The following POGZ variants were observed in gnomAD, a reference collection of about 807,000 sequenced individuals.
POGZ encodes the protein pogo transposable element derived with ZNF domain.
Under a neutral mutation model 134.6 loss-of-function variants are expected in POGZ, and 17 were observed. The ratio of observed to expected loss-of-function variants is 0.13; its 90% CI spans 0.09 to 0.19. The LOEUF is 0.19. Among genes scored for constraint, POGZ ranks in the 10% least tolerant of loss-of-function variants. The pLI is 1.00. For missense variants in POGZ, 1,306 were observed against 1,769.7 expected (o/e 0.74, Z 4.70); for synonymous variants, 693 against 657.1 (o/e 1.05, Z -0.84).
At chr1:151,458,696 C>G (rs975386345) in intron 1 of POGZ, among the ~76,000 whole-genome samples, 8 of 145,584 alleles carry the variant, frequency 5.5e-5, no homozygotes, top group African/African-American at 2.0e-4. Flanking sequence ...GCCCCCGCCC[C>G]CGCCCCTTCC....
chr1:151,405,005 C>T lies in POGZ; in HGVS notation c.4030G>A (p.Asp1344Asn). ...GNINSPTRNA[D>N]MQEELIASLE... Reference sequence around the variant, plus strand: ...GAGGCAATTAGCTCCTCCTGCATGTCAGCATTTCTTGTAGGTGAGTTAATG... The same window carrying T: ...GAGGCAATTAGCTCCTCCTGCATGTTAGCATTTCTTGTAGGTGAGTTAATG... Residue 1344 changes from aspartate to asparagine, a missense_variant, in exon 19 of 19, where the codon GAC (aspartate) becomes AAC (asparagine). Physicochemically the swap from Asp to Asn is conservative, Grantham distance 23. Around this residue, in one of 10 missense-constraint regions of POGZ, gnomAD observed 107 missense variants for 97.9 expected, o/e 1.09. Transcript: ENST00000271715. This position sits in a 1 kb window ranked among gnomAD's most constrained non-coding sequence, Gnocchi z 4.9. The T allele has an allele frequency of 6.2e-7, 1 of 1,614,206 alleles. No homozygotes were observed. The highest frequency in any genetic ancestry group is 8.5e-7 in the Non-Finnish European group (1 of 1,180,042).
intron 2 of POGZ, 86 bp from the exon 3 acceptor site, chr1:151,441,172 T>C (rs1389127978): frequency 2.0e-5 from 23 of 1,153,288 alleles, no homozygotes; most frequent in Admixed American, 5.4e-5. Context: ...TTCCATCTTA[T>C]TGTGGGTCTC....
chr1:151,440,515 T>C (rs1306082120), intron 3 of POGZ, among the ~76,000 whole-genome samples: 1 of 152,178 alleles, frequency 6.6e-6, no homozygotes, highest in Non-Finnish European at 1.5e-5. Flanking sequence ...CTATCTTCCA[T>C]ACTCAGGAAC....
chr1:151,411,930 T>C (rs954560430), intron 11 of POGZ, 159 bp from the exon 12 acceptor site: 10 of 605,620 alleles, frequency 1.7e-5, no homozygotes, highest in Non-Finnish European at 1.7e-5. Flanking sequence ...TGCTGGGCTA[T>C]GTTTGTGATA....
chr1:151,430,947 TATTTG>T (rs1413582041), intron 3 of POGZ, 106 bp from the exon 4 acceptor site: 4 of 308,714 alleles, frequency 1.3e-5, no homozygotes, highest in East Asian at 7.3e-5. Flanking sequence ...TATTTTATTT[TATTTG>T]ATACAGGGTC....
At chr1:151,425,897 T>C (rs1213735232) in intron 7 of POGZ, among the ~76,000 whole-genome samples, 1 of 152,198 alleles carries the variant, frequency 6.6e-6, no homozygotes, top group Non-Finnish European at 1.5e-5. Context: ...ATACAACAAT[T>C]CTATCATTTT....
Position 151,405,245 on chromosome 1 carries a change from A to T in POGZ, c.3790T>A (p.Leu1264Ile). 6.2e-7 allele frequency: 1 copy of T among 1,614,202 alleles called. No individual in the cohort carries two copies. The highest frequency in any genetic ancestry group is 8.5e-7 in the Non-Finnish European group (1 of 1,180,014). Residue 1264 changes from leucine (L) to isoleucine (I), a missense_variant, in exon 19 of 19, where the codon TTA (leucine) becomes ATA (isoleucine). By Grantham distance (5) the Leu-to-Ile change is conservative. Transcript: ENST00000271715. This position sits in a 1 kb window ranked among gnomAD's most constrained non-coding sequence, Gnocchi z 4.9. ...PAGCSSKIQP[L>I]DVCIKRTVKN... ...ACAGTTCTTTTGATGCATACATCTAATGGCTGAATTTTGGAGCTACAGCCT... is the reference window on the plus strand; with the variant it reads ...ACAGTTCTTTTGATGCATACATCTATTGGCTGAATTTTGGAGCTACAGCCT...
At position 151,430,655 on chromosome 1, in the gene POGZ, G is replaced by A. The variant is rs16833231; in HGVS notation, c.459+11C>T. Reference sequence around the variant, plus strand: ...TCCTCTAGCAACCTTGGAATTCAGAGTCCTACTCACCTGCGTAGTGATAAA... The same window carrying A: ...TCCTCTAGCAACCTTGGAATTCAGAATCCTACTCACCTGCGTAGTGATAAA... On this transcript the variant is annotated intron_variant, in intron 4 of 18. Coordinates refer to ENST00000271715, the MANE Select transcript of POGZ (RefSeq NM_015100.4). 3.2e-3 allele frequency: 5,080 copies of A among 1,594,348 alleles called. 158 individuals carry two copies. In the African/African-American group the frequency reaches 0.061, roughly 19 times the overall value.
intron 7 of POGZ, among the ~76,000 whole-genome samples, chr1:151,425,602 G>A (rs182956861): frequency 6.6e-6 from 1 of 152,170 alleles, no homozygotes; most frequent in East Asian, 1.9e-4. Context: ...GGAATCATAT[G>A]GTACTTGTCC....
chr1:151,455,222 C>T (rs1004902894), intron 1 of POGZ: 1 of 152,082 alleles, frequency 6.6e-6, no homozygotes, highest in Non-Finnish European at 1.5e-5. Context: ...TTAACCAGCT[C>T]TAGGATTTGT....
At chr1:151,447,151 T>C (rs1661390953) in intron 1 of POGZ, among the ~76,000 whole-genome samples, 1 of 152,038 alleles carries the variant, frequency 6.6e-6, no homozygotes, top group Non-Finnish European at 1.5e-5. Context: ...TTCGGGAGGC[T>C]AAGGCGGGCG....
intron 18 of POGZ, 23 bp from the exon 19 acceptor site, chr1:151,406,487 G>A (rs776444694): frequency 7.1e-6 from 11 of 1,555,664 alleles, no homozygotes; most frequent in Non-Finnish European, 9.5e-6. Flanking sequence ...GGAGCAAAGA[G>A]AAGAGGAGAA....
intron 16 of POGZ, 66 bp from the exon 17 acceptor site, chr1:151,407,089 G>T: frequency 7.4e-7 from 1 of 1,351,864 alleles, no homozygotes; most frequent in Non-Finnish European, 1.0e-6. Flanking sequence ...ATTAAGCTTT[G>T]AGGCTTAAGA....
At chr1:151,420,074 G>T (rs1394165889) in intron 10 of POGZ, among the ~76,000 whole-genome samples, 1 of 151,974 alleles carries the variant, frequency 6.6e-6, no homozygotes, top group Non-Finnish European at 1.5e-5. Context: ...TACAGTCCCA[G>T]CTACTCAGGA....
intron 3 of POGZ, among the ~76,000 whole-genome samples, chr1:151,431,680 T>C (rs769567705): frequency 2.0e-5 from 3 of 152,220 alleles, no homozygotes; most frequent in Non-Finnish European, 4.4e-5. Context: ...TAATGATTCA[T>C]TCATGAATAA....
At chr1:151,423,917 C>A in intron 9 of POGZ, 32 bp downstream of exon 9, 2 of 1,513,444 alleles carry the variant, frequency 1.3e-6, no homozygotes, top group South Asian at 1.2e-5. Flanking sequence ...TTCTCTTGTT[C>A]AAGGTAACTT....
intron 1 of POGZ, among the ~76,000 whole-genome samples, chr1:151,444,578 A>G (rs189741077): frequency 6.6e-5 from 10 of 152,160 alleles, no homozygotes; most frequent in African/African-American, 2.4e-4. Context: ...GACCACTTAC[A>G]AGCAAACTCT....
chr1:151,442,781 G>A (rs866252314), intron 1 of POGZ, among the ~76,000 whole-genome samples: 104 of 151,110 alleles, frequency 6.9e-4, no homozygotes, highest in Middle Eastern at 3.3e-3. Flanking sequence ...TTGTAATCCC[G>A]GCATTTTGGT....
chr1:151,450,657 C>G (rs910606788), intron 1 of POGZ, among the ~76,000 whole-genome samples: 4 of 152,042 alleles, frequency 2.6e-5, no homozygotes, highest in Non-Finnish European at 5.9e-5. Context: ...CCCAGCCTCC[C>G]CAGTTCTAAA....
Sources: allele counts gnomAD v4.1 joint callset (sites outside exome capture counted in the v4.1 genomes callset), GRCh38; gene constraint gnomAD v4.1.1; regional missense constraint gnomAD v4.1.1; non-coding constraint Gnocchi (gnomAD v3.1); transcripts MANE v1.5; gene names NCBI Gene and HGNC (gene_info 2026-07-23, HGNC 2026-07-21).